Variants in NFATC3 observed in about 807,000 individuals in gnomAD.
NFATC3 encodes the protein nuclear factor of activated T-cells, cytoplasmic 3.
NFATC3 carries 46 observed loss-of-function variants against 98.6 expected under a neutral mutation model. The observed-to-expected ratio is 0.47, with a 90% CI of 0.37 to 0.60. NFATC3 has a LOEUF of 0.60. Ranked by LOEUF, NFATC3 falls within the 20% of genes least tolerant of loss-of-function variation. The pLI is 0.00. For missense variants in NFATC3, 1,256 were observed against 1,295.5 expected (o/e 0.97, Z 0.47); for synonymous variants, 512 against 472.2 (o/e 1.08, Z -1.09).
At chr16:68,098,290 TA>T (rs1397626760) in intron 1 of NFATC3, among the ~76,000 whole-genome samples, 6 of 125,300 alleles carry the variant, frequency 4.8e-5, no homozygotes, top group Admixed American at 7.9e-5. Flanking sequence ...TTATTATTAT[TA>T]TTATTATTAT....
intron 9 of NFATC3, among the ~76,000 whole-genome samples, chr16:68,198,641 G>A (rs1383530486): frequency 6.6e-6 from 1 of 151,824 alleles, no homozygotes; most frequent in South Asian, 2.1e-4. Flanking sequence ...AGGTGCAGTG[G>A]TTCATGCCTT....
intron 1 of NFATC3, chr16:68,086,537 A>G (rs2034388263): frequency 7.7e-6 from 4 of 520,966 alleles, no homozygotes; most frequent in Non-Finnish European, 9.9e-6. Context: ...AGGTCAGACC[A>G]ATCAGGAAAT....
At chr16:68,141,441 G>A (rs899359703) in intron 3 of NFATC3, among the ~76,000 whole-genome samples, 2 of 152,160 alleles carry the variant, frequency 1.3e-5, no homozygotes, top group African/African-American at 4.8e-5. Context: ...GTGGACAAGT[G>A]TTCCCTTTTC....
chr16:68,186,068 A>G (rs553069819), intron 8 of NFATC3, among the ~76,000 whole-genome samples: 113 of 152,292 alleles, frequency 7.4e-4, no homozygotes, highest in Non-Finnish European at 1.2e-3. Context: ...ATCAGGTGAC[A>G]TACACTAACA....
At chr16:68,163,524 C>T (rs1314107127) in intron 4 of NFATC3, among the ~76,000 whole-genome samples, 3 of 151,276 alleles carry the variant, frequency 2.0e-5, no homozygotes, top group Non-Finnish European at 2.9e-5. Flanking sequence ...CCGGACGGGG[C>T]GGCTGGCCTG....
chr16:68,116,106 T>TA (rs1389887586), intron 1 of NFATC3, among the ~76,000 whole-genome samples: 1 of 152,140 alleles, frequency 6.6e-6, no homozygotes, highest in Non-Finnish European at 1.5e-5. Context: ...AGATAGTATA[T>TA]AAATGAATGA....
chr16:68,164,220 C>T (rs917163420), intron 4 of NFATC3, among the ~76,000 whole-genome samples: 3 of 152,210 alleles, frequency 2.0e-5, no homozygotes, highest in African/African-American at 4.8e-5. Flanking sequence ...GCCAACACAG[C>T]GAAACCCCGT....
chr16:68,215,284 C>T (rs902252301), intron 9 of NFATC3, among the ~76,000 whole-genome samples: 5 of 152,168 alleles, frequency 3.3e-5, no homozygotes, highest in Non-Finnish European at 7.4e-5. Context: ...CTTGTCCAAC[C>T]ATGAGAGGAG....
intron 9 of NFATC3, among the ~76,000 whole-genome samples, chr16:68,207,005 TA>T (rs559629801): frequency 0.015 from 1,697 of 111,242 alleles, 24 homozygotes; most frequent in African/African-American, 0.041. Flanking sequence ...GCATACATAT[TA>T]AAAAAAAAAA....
chr16:68,164,129 C>G (rs187472675), intron 4 of NFATC3, among the ~76,000 whole-genome samples: 2 of 152,358 alleles, frequency 1.3e-5, no homozygotes, highest in East Asian at 3.9e-4. Context: ...ACTGAGTGAA[C>G]CAGACTCCGT....
At chr16:68,145,282 T>A (rs1013643736) in intron 3 of NFATC3, among the ~76,000 whole-genome samples, 1 of 152,108 alleles carries the variant, frequency 6.6e-6, no homozygotes, top group African/African-American at 2.4e-5. Flanking sequence ...TATATGGGAC[T>A]ACAGGTGTGC....
chr16:68,112,786 C>T (rs1414560641), intron 1 of NFATC3, among the ~76,000 whole-genome samples: 1 of 149,634 alleles, frequency 6.7e-6, no homozygotes, highest in South Asian at 2.1e-4. Context: ...AGCCTCCCGA[C>T]ATTTTTTTTT....
chr16:68,218,570 T>TGG (rs2041726687), intron 9 of NFATC3, among the ~76,000 whole-genome samples: 1 of 142,594 alleles, frequency 7.0e-6, no homozygotes, highest in African/African-American at 2.7e-5. Flanking sequence ...TTAGTTTAGA[T>TGG]GGTGCTTTTT....
Position 68,135,159 on chromosome 16 carries a change from C to T in NFATC3, c.1401+8549C>T, listed in dbSNP as rs529948366. Among the ~76,000 whole-genome samples, 11 of 152,010 alleles carry T rather than the reference C, an allele frequency of 7.2e-5. No homozygotes were observed. The East Asian group carries it at 1.9e-3, about 27-fold the overall frequency. On this transcript the variant is annotated intron_variant, in intron 3 of 9. Coordinates refer to ENST00000346183, the MANE Select transcript of NFATC3 (RefSeq NM_173165.3). ...GTGAGAAATAGATGCAATTTAATCT[C>T]AAATGAAACTGAACTGTGGCCGGGC...
intron 4 of NFATC3, among the ~76,000 whole-genome samples, 197 bp downstream of exon 4, chr16:68,158,265 A>G (rs1026608343): frequency 1.3e-5 from 2 of 152,196 alleles, no homozygotes; most frequent in Admixed American, 6.5e-5. Context: ...TTTTTATACT[A>G]TATATTACCA....
rs188171708 is a variant in NFATC3, at chr16:68,112,850, G to A, written c.104-9137G>A. On this transcript the variant is annotated intron_variant, in intron 1 of 9. Transcript: ENST00000346183. ...TTTAGCAAGATAGTCTTCAAGCTCT[G>A]ATATCCTTTCCTCTGCCTGGTCTGT... Among the ~76,000 whole-genome samples the A allele has an allele frequency of 3.3e-5, 5 of 151,400 alleles. No homozygotes were observed. The East Asian group carries it at 9.7e-4, about 29-fold the overall frequency.
At chr16:68,192,016 G>C (rs570556812) in intron 9 of NFATC3, 2 of 447,414 alleles carry the variant, frequency 4.5e-6, no homozygotes, top group South Asian at 4.7e-5. Flanking sequence ...AGACCAGCCT[G>C]GCCAACATGG....
intron 1 of NFATC3, among the ~76,000 whole-genome samples, chr16:68,101,318 A>G (rs1180660960): frequency 2.0e-5 from 3 of 151,612 alleles, no homozygotes; most frequent in Non-Finnish European, 4.4e-5. Context: ...CAATTTTTAA[A>G]TTTTTCGTAG....
rs1361433830 is a variant in NFATC3 at position 68,115,127 on chromosome 16, A to G, written c.104-6860A>G. ...CACCGAGGCTGGAATGCAGTGGTGC[A>G]ATCTCAGCTCACTGCAACCTCCGCC... On this transcript the variant is annotated intron_variant, in intron 1 of 9. Transcript: ENST00000346183. 3.3e-5 allele frequency among the ~76,000 whole-genome samples: 5 copies of G among 151,528 alleles called. No homozygotes were observed. In the South Asian group the frequency reaches 8.3e-4, roughly 25 times the overall value.
Sources: allele counts gnomAD v4.1 joint callset (sites outside exome capture counted in the v4.1 genomes callset), GRCh38; gene constraint gnomAD v4.1.1; transcripts MANE v1.5; gene names NCBI Gene and HGNC (gene_info 2026-07-23, HGNC 2026-07-21).